The following RASSF3 variants were observed in gnomAD, a reference collection of about 807,000 sequenced individuals.
RASSF3 encodes Ras association domain family member 3.
A neutral mutation model predicts 19.9 loss-of-function variants in RASSF3; 19 were observed. That is an observed-to-expected ratio of 0.96 (90% CI 0.67 to 1.40). The LOEUF (loss-of-function observed/expected upper bound fraction) is 1.40. Among genes scored for constraint, RASSF3 ranks in the 40% most tolerant of loss-of-function variants. The pLI, the probability that RASSF3 is intolerant of heterozygous loss-of-function variation, is 0.00. For missense variants in RASSF3, 306 were observed against 289.8 expected (o/e 1.06, Z -0.41); for synonymous variants, 110 against 104.2 (o/e 1.06, Z -0.34).
intron 1 of RASSF3, among the ~76,000 whole-genome samples, chr12:64,617,262 A>G (rs1870583798): frequency 6.6e-6 from 1 of 152,224 alleles, no homozygotes; most frequent in Non-Finnish European, 1.5e-5. Context: ...CTCACTTTAT[A>G]TACTTTCCCC....
At chr12:64,659,765 T>C (rs368837772) in intron 1 of RASSF3, among the ~76,000 whole-genome samples, 1 of 151,802 alleles carries the variant, frequency 6.6e-6, no homozygotes. Flanking sequence ...CTGGCCAACA[T>C]GGTGAAACCC....
intron 1 of RASSF3, among the ~76,000 whole-genome samples, chr12:64,669,202 T>C (rs1038466575): frequency 6.6e-6 from 1 of 152,222 alleles, no homozygotes; most frequent in Non-Finnish European, 1.5e-5. Context: ...TTTGAGTTTC[T>C]GTTTTGTTAG....
intron 2 of RASSF3, among the ~76,000 whole-genome samples, chr12:64,601,844 G>A (rs933545830): frequency 2.0e-5 from 3 of 151,866 alleles, no homozygotes; most frequent in African/African-American, 7.3e-5. Context: ...AAGGCCGGGT[G>A]CAGTGGATCA....
intron 2 of RASSF3, among the ~76,000 whole-genome samples, chr12:64,593,130 A>G (rs1323848379): frequency 1.3e-5 from 2 of 152,200 alleles, no homozygotes; most frequent in Non-Finnish European, 2.9e-5. Context: ...AAGTATATGT[A>G]TATAATTGTG....
chr12:64,507,431 G>A (rs1302428347), intron 1 of RASSF3: 5 of 396,794 alleles, frequency 1.3e-5, no homozygotes, highest in Non-Finnish European at 2.2e-5. Context: ...GGAGGAGTGG[G>A]AAAGAAAAGT....
chr12:64,575,072 A>G (rs1259559954), intron 2 of RASSF3, among the ~76,000 whole-genome samples: 1 of 152,214 alleles, frequency 6.6e-6, no homozygotes, highest in East Asian at 1.9e-4. Flanking sequence ...TAAGGCAAGA[A>G]AAAGAAATAA....
At chr12:64,551,927 T>G (rs936745187) in intron 2 of RASSF3, among the ~76,000 whole-genome samples, 4 of 152,248 alleles carry the variant, frequency 2.6e-5, no homozygotes, top group Admixed American at 1.3e-4. Context: ...TATCTTCAAA[T>G]AGATTACGAG....
intron 1 of RASSF3, among the ~76,000 whole-genome samples, chr12:64,648,712 A>C (rs1025318985): frequency 6.7e-6 from 1 of 150,316 alleles, no homozygotes; most frequent in Non-Finnish European, 1.5e-5. Flanking sequence ...CGATCTCTTG[A>C]CCTTGTGATC....
chr12:64,531,031 G>A (rs1156837248), upstream of RASSF3, among the ~76,000 whole-genome samples: 1 of 152,140 alleles, frequency 6.6e-6, no homozygotes, highest in African/African-American at 2.4e-5. Context: ...CTTTTGACGA[G>A]TAGTTCCTAA....
upstream of RASSF3, among the ~76,000 whole-genome samples, chr12:64,607,811 C>T (rs1334142537): frequency 1.3e-5 from 2 of 152,130 alleles, no homozygotes; most frequent in Admixed American, 6.5e-5. Context: ...GGCTAGAGTG[C>T]AGTGGTAAGA....
intron 1 of RASSF3, among the ~76,000 whole-genome samples, chr12:64,657,605 T>A (rs530201962): frequency 2.0e-5 from 3 of 152,282 alleles, no homozygotes; most frequent in African/African-American, 4.8e-5. Flanking sequence ...ATGATGAGGA[T>A]GCCCAGGGCA....
intron 1 of RASSF3, among the ~76,000 whole-genome samples, chr12:64,668,302 G>A (rs2136204190): frequency 6.7e-6 from 1 of 149,028 alleles, no homozygotes; most frequent in African/African-American, 2.5e-5. Flanking sequence ...ATTGAAACAG[G>A]GTCTCACTGT....
intron 1 of RASSF3, among the ~76,000 whole-genome samples, chr12:64,669,769 C>A (rs1354108060): frequency 6.6e-6 from 1 of 151,330 alleles, no homozygotes; most frequent in African/African-American, 2.4e-5. Flanking sequence ...CCTTTCCTCC[C>A]AGCCTCGGGC....
chr12:64,514,921 GTTA>G (rs199686872), intron 1 of RASSF3, among the ~76,000 whole-genome samples: 2,094 of 151,798 alleles, frequency 0.014, 29 homozygotes, highest in South Asian at 0.022. Flanking sequence ...TACCTTGTTA[GTTA>G]TTGTATTTTT....
At chr12:64,525,738 ACTTT>A (rs538435350) in intron 1 of RASSF3, among the ~76,000 whole-genome samples, 243 of 144,116 alleles carry the variant, frequency 1.7e-3, no homozygotes, top group African/African-American at 6.7e-3. Flanking sequence ...TTCAAAGTCT[ACTTT>A]TTTTTTTGCT....
At chr12:64,675,024 G>T (rs1366023203) in intron 1 of RASSF3, among the ~76,000 whole-genome samples, 1 of 127,312 alleles carries the variant, frequency 7.9e-6, no homozygotes, top group Non-Finnish European at 1.7e-5. Flanking sequence ...TGTGTTAGAA[G>T]TTGTCTAAAA....
chr12:64,675,047 C>CT (rs1352558654), intron 1 of RASSF3, among the ~76,000 whole-genome samples: 1 of 106,858 alleles, frequency 9.4e-6, no homozygotes, highest in African/African-American at 4.0e-5. Flanking sequence ...CCCACCTAGC[C>CT]CCCCCCCCCC....
intron 2 of RASSF3, among the ~76,000 whole-genome samples, chr12:64,571,064 A>G (rs973821497): frequency 6.6e-6 from 1 of 152,100 alleles, no homozygotes; most frequent in Admixed American, 6.6e-5. Context: ...CTAAAAATAC[A>G]AAAATCAGCC....
chr12:64,664,858 A>G (rs1298770794), intron 1 of RASSF3, among the ~76,000 whole-genome samples: 1 of 152,186 alleles, frequency 6.6e-6, no homozygotes. Context: ...CTTGCTTTTT[A>G]GTTTAAGGAA....
Sources: allele counts gnomAD v4.1 joint callset (sites outside exome capture counted in the v4.1 genomes callset), GRCh38; gene constraint gnomAD v4.1.1; transcripts MANE v1.5; gene names NCBI Gene and HGNC (gene_info 2026-07-23, HGNC 2026-07-21).